The following OLR1 variants were observed in gnomAD, a reference collection of about 807,000 sequenced individuals.
OLR1 encodes the protein oxidized low-density lipoprotein receptor 1.
In OLR1, 23 loss-of-function variants were observed where a neutral mutation model predicts 31.7. That is an observed-to-expected ratio of 0.72 (90% CI 0.52 to 1.03). The LOEUF is 1.03. OLR1 is among the 50% of genes least tolerant of loss of function. The pLI is 0.00. For missense variants in OLR1, 286 were observed against 315.7 expected, an observed-to-expected ratio of 0.91 and a Z score of 0.71; for synonymous variants, 117 against 115.8, an observed-to-expected ratio of 1.01 and a Z score of -0.07.
At chr12:10,163,119 T>A (rs1948633781) in intron 3 of OLR1, among the ~76,000 whole-genome samples, 1 of 152,212 alleles carries the variant, frequency 6.6e-6, no homozygotes, top group Non-Finnish European at 1.5e-5. Flanking sequence ...GGAAGTACTG[T>A]ACAGGTATTA....
chr12:10,168,478 C>G (rs1020460077), intron 2 of OLR1, among the ~76,000 whole-genome samples: 1 of 152,010 alleles, frequency 6.6e-6, no homozygotes, highest in Non-Finnish European at 1.5e-5. Flanking sequence ...AGGCTCTATC[C>G]ATGAGGTTGG....
chr12:10,163,513 A>G (rs1229586574), intron 3 of OLR1, among the ~76,000 whole-genome samples: 1 of 151,886 alleles, frequency 6.6e-6, no homozygotes, highest in East Asian at 1.9e-4. Flanking sequence ...CTCCCTCCTC[A>G]TATATACATT....
chr12:10,171,683 T>C lies in OLR1; in HGVS notation c.76+319A>G, dbSNP rs527489161. The stretch of plus-strand genomic sequence containing the variant: ...TGGATGATGTTGTTAGTCCTCCTGA[T>C]GCCCAGTTAGCTCTCTGTAAAAGGG... On this transcript the variant is annotated intron_variant, in intron 1 of 5. Coordinates refer to ENST00000309539, the MANE Select transcript of OLR1 (RefSeq NM_002543.4). 7.9e-5 allele frequency among the ~76,000 whole-genome samples: 12 copies of C among 152,322 alleles called. No homozygotes were observed. In the South Asian group the frequency reaches 2.5e-3, roughly 32 times the overall value.
At chr12:10,164,366 A>G (rs998550456) in intron 3 of OLR1, among the ~76,000 whole-genome samples, 5 of 152,260 alleles carry the variant, frequency 3.3e-5, no homozygotes, top group Non-Finnish European at 7.3e-5. Flanking sequence ...AATTTCTGCT[A>G]ATTTTGAAAA....
chr12:10,162,584 T>G (rs1376789607), intron 3 of OLR1, among the ~76,000 whole-genome samples: 3 of 152,178 alleles, frequency 2.0e-5, no homozygotes, highest in Non-Finnish European at 4.4e-5. Context: ...TCCCACCACT[T>G]TGGGAGGCTG....
intron 1 of OLR1, 57 bp from the exon 2 acceptor site, chr12:10,169,232 C>A: frequency 7.9e-7 from 1 of 1,264,570 alleles, no homozygotes; most frequent in South Asian, 1.3e-5. Context: ...AGTAAGCAAA[C>A]CATTCCTTGG....
At chr12:10,166,646 C>T in intron 3 of OLR1, 66 bp downstream of exon 3, 6 of 1,589,414 alleles carry the variant, frequency 3.8e-6, no homozygotes, top group Non-Finnish European at 5.2e-6. Flanking sequence ...GAATTGTTTC[C>T]AAAAAATAGT....
chr12:10,163,549 A>G (rs1247694554), intron 3 of OLR1, among the ~76,000 whole-genome samples: 1 of 150,948 alleles, frequency 6.6e-6, no homozygotes, highest in Admixed American at 6.7e-5. Context: ...TTTAGTAAAA[A>G]AGATAAAACT....
chr12:10,165,721 A>G (rs1212283161), intron 3 of OLR1, among the ~76,000 whole-genome samples: 1 of 151,966 alleles, frequency 6.6e-6, no homozygotes, highest in African/African-American at 2.4e-5. Context: ...AGATCACACC[A>G]CTGCATTCCA....
intron 3 of OLR1, among the ~76,000 whole-genome samples, chr12:10,165,408 C>T (rs368916714): frequency 1.2e-4 from 18 of 148,788 alleles, no homozygotes; most frequent in East Asian, 8.1e-4. Flanking sequence ...CCAGCCTGGG[C>T]GACAGAGCGA....
At chr12:10,169,826 A>G (rs908730883) in intron 1 of OLR1, among the ~76,000 whole-genome samples, 3 of 152,154 alleles carry the variant, frequency 2.0e-5, no homozygotes, top group Non-Finnish European at 4.4e-5. Context: ...ACTCACGCCA[A>G]GTGTAGGCTT....
At position 10,160,771 on chromosome 12, in the gene OLR1, T is replaced by G; in HGVS notation, c.564+15A>C. The G allele has an allele frequency of 6.2e-7, 1 of 1,611,920 alleles. No individual in the cohort carries two copies. The highest frequency in any genetic ancestry group is 8.5e-7 in the Non-Finnish European group (1 of 1,178,174). The stretch of plus-strand genomic sequence containing the variant: ...AACCAATACTCCACCCCAACAAATA[T>G]CCATGAACACTCACCAGATCAGCTG... On this transcript the variant is annotated intron_variant, in intron 4 of 5. Coordinates refer to ENST00000309539, the MANE Select transcript of OLR1 (RefSeq NM_002543.4).
chr12:10,175,762 C>T (rs1396149097), upstream of OLR1, among the ~76,000 whole-genome samples: 1 of 152,202 alleles, frequency 6.6e-6, no homozygotes, highest in Non-Finnish European at 1.5e-5. Context: ...TTTTTGAAAT[C>T]AGGGCTGTGG....
chr12:10,161,032 TTTTG>T, intron 3 of OLR1, 107 bp from the exon 4 acceptor site: 1 of 1,056,728 alleles, frequency 9.5e-7, no homozygotes, highest in South Asian at 1.7e-5. Context: ...TACTATTTAT[TTTTG>T]TTTTTGTTTT....
chr12:10,166,388 C>T (rs1004175675), intron 3 of OLR1, among the ~76,000 whole-genome samples: 6 of 151,062 alleles, frequency 4.0e-5, no homozygotes, highest in Non-Finnish European at 8.9e-5. Context: ...ATTAGCTGGG[C>T]GTGGTGATGG....
chr12:10,169,168 C>T lies in OLR1; in HGVS notation c.84G>A (p.Gln28=). 6.2e-7 allele frequency: 1 copy of T among 1,609,468 alleles called. No individual in the cohort carries two copies. Reference sequence around the variant, plus strand: ...GGCACCACCATGGAGAGTAAAGAAACTGAAGACCTAGAGTGACAGAGGATA... The same window carrying T: ...GGCACCACCATGGAGAGTAAAGAAATTGAAGACCTAGAGTGACAGAGGATA... The part of the protein sequence containing the change: ...KSNGKKAKGL[Q]FLYSPWWCLA... Residue 28 remains glutamine, a synonymous_variant, in exon 2 of 6, where the codon CAG becomes CAA. Coordinates refer to ENST00000309539, the MANE Select transcript of OLR1 (RefSeq NM_002543.4).
intron 4 of OLR1, 146 bp downstream of exon 4, chr12:10,160,640 G>C: frequency 9.1e-7 from 1 of 1,103,646 alleles, no homozygotes; most frequent in Admixed American, 2.0e-5. Context: ...GTCCGTCCAA[G>C]GTCATACACA....
At chr12:10,162,562 T>A (rs1455230792) in intron 3 of OLR1, among the ~76,000 whole-genome samples, 2 of 152,200 alleles carry the variant, frequency 1.3e-5, no homozygotes, top group African/African-American at 4.8e-5. Flanking sequence ...GGGTGGTGGC[T>A]CATGCCTATA....
At chr12:10,162,328 T>TAAG (rs1316074002) in intron 3 of OLR1, among the ~76,000 whole-genome samples, 1 of 152,050 alleles carries the variant, frequency 6.6e-6, no homozygotes, top group East Asian at 1.9e-4. Context: ...AATAAATGTA[T>TAAG]AAGAGTAGGC....
Sources: allele counts gnomAD v4.1 joint callset (sites outside exome capture counted in the v4.1 genomes callset), GRCh38; gene constraint gnomAD v4.1.1; transcripts MANE v1.5; gene names NCBI Gene and HGNC (gene_info 2026-07-23, HGNC 2026-07-21).